The following GALR1 variants were observed in gnomAD, a reference collection of about 807,000 sequenced individuals.
GALR1 encodes galanin receptor 1, also known as galanin receptor type 1.
GALR1 carries 11 observed loss-of-function variants against 17.9 expected under a neutral mutation model. The ratio of observed to expected loss-of-function variants is 0.62; its 90% CI spans 0.39 to 1.02. The LOEUF (loss-of-function observed/expected upper bound fraction) is 1.02, where lower values mean the gene tolerates loss of function less well. Among genes scored for constraint, GALR1 ranks in the 50% least tolerant of loss-of-function variants. The probability of loss-of-function intolerance (pLI) is 0.01; values close to 1 mark genes in which losing one functional copy is unlikely to be tolerated. For missense variants in GALR1, 441 were observed against 456.9 expected, an observed-to-expected ratio of 0.97 and a Z score of 0.32; for synonymous variants, 206 against 205.7, an observed-to-expected ratio of 1.00 and a Z score of -0.01.
chr18:77,252,500 T>C (rs1383193670), intron 1 of GALR1, among the ~76,000 whole-genome samples: 1 of 152,250 alleles, frequency 6.6e-6, no homozygotes, highest in Non-Finnish European at 1.5e-5. Flanking sequence ...TCCCCCCACC[T>C]ATTTCATCTA....
At position 77,276,661 on chromosome 18, in the gene GALR1, C is replaced by T. The variant is rs1412848936; in HGVS notation, c.*7759C>T. 3 of 152,162 alleles carry T rather than the reference C, an allele frequency of 2.0e-5. No homozygotes were observed. Among genetic ancestry groups the T allele is most frequent in the Non-Finnish European group, 2.9e-5 (2 of 68,028 alleles). The allele number at this position is 152,162 out of a possible 1,614,324, so 9.4% of individuals were successfully genotyped here. On this transcript the variant is annotated 3_prime_UTR_variant, in exon 3 of 3. Coordinates refer to ENST00000299727, the MANE Select transcript of GALR1 (RefSeq NM_001480.4). ...AAGGTGGAGTCCAGGCTTTTTAAAA[C>T]AGTGTCTGTATTTTCAGAGCAGATA...
intron 2 of GALR1, among the ~76,000 whole-genome samples, chr18:77,258,773 GTGA>G (rs1194248957): frequency 9.0e-5 from 12 of 133,858 alleles, no homozygotes; most frequent in Non-Finnish European, 8.1e-5. Flanking sequence ...AATTGTGATA[GTGA>G]TGGTGGTGGT....
intron 2 of GALR1, among the ~76,000 whole-genome samples, chr18:77,259,354 A>T: frequency 8.7e-6 from 1 of 114,372 alleles, no homozygotes; most frequent in African/African-American, 3.7e-5. Context: ...ATGGTGGTGG[A>T]TGGTGGTGGT....
intron 2 of GALR1, among the ~76,000 whole-genome samples, chr18:77,259,044 C>T (rs796702303): frequency 0.015 from 69 of 4,672 alleles, 6 homozygotes; most frequent in East Asian, 0.05. Flanking sequence ...TCATGATGGT[C>T]ATGGTGGTGA....
chr18:77,258,842 ATGGTG>A, intron 2 of GALR1, among the ~76,000 whole-genome samples: 1 of 4,198 alleles, frequency 2.4e-4, no homozygotes, highest in Non-Finnish European at 5.8e-4. Flanking sequence ...GATGGTGGTG[ATGGTG>A]GTGGTGATGG....
chr18:77,272,950 G>C lies in GALR1; in HGVS notation c.*4048G>C, dbSNP rs764989249. The C allele has an allele frequency of 9.9e-5, 15 of 152,246 alleles. No homozygotes were observed. Among genetic ancestry groups the C allele is most frequent in the African/African-American group, 1.4e-4 (6 of 41,460 alleles). 9.4% of individuals were successfully genotyped at this position (152,246 alleles called of 1,614,324 possible). On this transcript the variant is annotated 3_prime_UTR_variant, in exon 3 of 3. Transcript: ENST00000299727. ...GCTTAAGACATCTTTGATGGGGGCT[G>C]TATTTGCATTAGGCAGAGGTGTCTA...
chr18:77,252,893 CCAT>C lies in GALR1; in HGVS notation c.666+1682_666+1684del, dbSNP rs1568138998. ...ACCACCACCACCATCACCACCACCA[CCAT>C]CACCACCACCACCACCACCACCACC... On this transcript the variant is annotated intron_variant, in intron 1 of 2. Coordinates refer to ENST00000299727, the MANE Select transcript of GALR1 (RefSeq NM_001480.4). Among the ~76,000 whole-genome samples the C allele has an allele frequency of 9.1e-3, 767 of 84,202 alleles. 13 individuals carry two copies. The highest frequency in any genetic ancestry group is 0.011 in the Non-Finnish European group (422 of 38,010). The allele number at this position is 84,202 out of a possible 152,430, so 55.2% of individuals were successfully genotyped here.
intron 1 of GALR1, among the ~76,000 whole-genome samples, chr18:77,252,771 C>T (rs1367573306): frequency 1.3e-5 from 2 of 151,606 alleles, no homozygotes; most frequent in Non-Finnish European, 2.9e-5. Context: ...TTGTTTGAAC[C>T]CAAGTGACGG....
intron 2 of GALR1, among the ~76,000 whole-genome samples, chr18:77,264,731 A>G (rs1022228460): frequency 6.6e-6 from 1 of 152,184 alleles, no homozygotes; most frequent in Admixed American, 6.5e-5. Context: ...GTGGAAGGGA[A>G]AGCAAACACG....
chr18:77,258,436 TGTG>T (rs1027845260), intron 2 of GALR1, among the ~76,000 whole-genome samples: 10 of 151,770 alleles, frequency 6.6e-5, no homozygotes, highest in Admixed American at 1.3e-4. Flanking sequence ...AATAAATAAA[TGTG>T]GTGGTGGTGG....
chr18:77,259,054 A>T (rs1453093422), intron 2 of GALR1, among the ~76,000 whole-genome samples: 1 of 4,664 alleles, frequency 2.1e-4, no homozygotes, highest in African/African-American at 2.5e-4. Context: ...CATGGTGGTG[A>T]TGATGGTGGT....
At chr18:77,253,007 CCACCACCACCACCACCATCACCACCAT>C (rs1912501669) in intron 1 of GALR1, among the ~76,000 whole-genome samples, 3 of 74,212 alleles carry the variant, frequency 4.0e-5, no homozygotes, top group Non-Finnish European at 8.9e-5. Flanking sequence ...ACCACCACCA[CCACCACCACCACCACCATCACCACCAT>C]CACCACCACC....
Position 77,251,228 on chromosome 18 carries a change from G to C in GALR1, c.666+14G>C. The C allele has an allele frequency of 6.3e-7, 1 of 1,584,246 alleles. No individual in the cohort carries two copies. Among genetic ancestry groups the C allele is most frequent in the Non-Finnish European group, 8.6e-7 (1 of 1,158,716 alleles). ...TGCTATGCCAAGGTGCACGCCGGTC[G>C]CGGGGCCGAGACGCGCGAGGGAGGG... is the stretch of plus-strand genomic sequence containing the variant. On this transcript the variant is annotated intron_variant, in intron 1 of 2. Coordinates refer to ENST00000299727, the MANE Select transcript of GALR1 (RefSeq NM_001480.4).
In GALR1 at chr18:77,272,753, T is replaced by G. The variant is rs1490315715; in HGVS notation, c.*3851T>G. The G allele has an allele frequency of 6.6e-6, 1 of 152,254 alleles. No homozygotes were observed. The highest frequency in any genetic ancestry group is 2.4e-5 in the African/African-American group (1 of 41,468). The allele number at this position is 152,254 out of a possible 1,614,324, so 9.4% of individuals were successfully genotyped here. A position where few individuals can be genotyped will look rare whatever the true frequency, so the allele number is the denominator to read the frequency against. On this transcript the variant is annotated 3_prime_UTR_variant, in exon 3 of 3. Coordinates refer to ENST00000299727, the MANE Select transcript of GALR1 (RefSeq NM_001480.4). ...TGTTTAATTATTGACTTACTTATTT[T>G]AAAAGCTGTATGTAGTAAGAACAAG...
rs531479542 is a variant in GALR1 at position 77,262,403 on chromosome 18, T to C, written c.732+6180T>C. 5.3e-4 allele frequency among the ~76,000 whole-genome samples: 81 copies of C among 152,318 alleles called. 1 individual carries two copies. Among genetic ancestry groups the C allele is most frequent in the African/African-American group, 1.8e-3 (73 of 41,566 alleles). ...GCAGTAGTAAATCAAAAAAGATGGT[T>C]TTCCACTGGCATGGAACTTCTTGCC... On this transcript the variant is annotated intron_variant, in intron 2 of 2. Coordinates refer to ENST00000299727, the MANE Select transcript of GALR1 (RefSeq NM_001480.4).
chr18:77,262,132 C>T (rs947830311), intron 2 of GALR1, among the ~76,000 whole-genome samples: 2 of 151,468 alleles, frequency 1.3e-5, no homozygotes, highest in African/African-American at 4.9e-5. Flanking sequence ...TCTGGCTGAG[C>T]TTTTTAAAAA....
Position 77,250,757 on chromosome 18 carries a change from C to A in GALR1, c.209C>A (p.Thr70Asn), listed in dbSNP as rs765419205. The A allele has an allele frequency of 2.5e-6, 4 of 1,613,856 alleles. No homozygotes were observed. Among genetic ancestry groups the A allele is most frequent in the Admixed American group, 3.3e-5 (2 of 60,016 alleles). Residue 70 changes from threonine (T) to asparagine (N), a missense_variant, in exon 1 of 3, where the codon ACC becomes AAC. By Grantham distance (65) the Thr-to-Asn change is moderately conservative. Transcript: ENST00000299727. ...RSKPGKPRST[T>N]NLFILNLSIA... ...AAGCCGGGCAAGCCGCGGAGCACCACCAACCTGTTCATCCTCAACCTGAGC... is the reference window on the plus strand; with the variant it reads ...AAGCCGGGCAAGCCGCGGAGCACCAACAACCTGTTCATCCTCAACCTGAGC...
chr18:77,265,956 A>G (rs979060067), intron 2 of GALR1, among the ~76,000 whole-genome samples: 3 of 152,076 alleles, frequency 2.0e-5, no homozygotes, highest in Non-Finnish European at 4.4e-5. Flanking sequence ...TGCCCTGGAA[A>G]CATTTTCCCT....
In GALR1 at chr18:77,272,709, C is replaced by T. The variant is rs1383336713; in HGVS notation, c.*3807C>T. On this transcript the variant is annotated 3_prime_UTR_variant, in exon 3 of 3. Coordinates refer to ENST00000299727, the MANE Select transcript of GALR1 (RefSeq NM_001480.4). ...AAATGTTGCATGTAAGGCTATTTCT[C>T]AAGTAGATGTTAATGACTTGTTTAA... 1 of 152,132 alleles carries T rather than the reference C, an allele frequency of 6.6e-6. No homozygotes were observed. Among genetic ancestry groups the T allele is most frequent in the Non-Finnish European group, 1.5e-5 (1 of 68,032 alleles). The allele number at this position is 152,132 out of a possible 1,614,324, so 9.4% of individuals were successfully genotyped here.
Sources: allele counts gnomAD v4.1 joint callset (sites outside exome capture counted in the v4.1 genomes callset), GRCh38; gene constraint gnomAD v4.1.1; transcripts MANE v1.5; gene names NCBI Gene and HGNC (gene_info 2026-07-23, HGNC 2026-07-21).